The following SORCS3 variants were observed in gnomAD, a reference collection of about 807,000 sequenced individuals.
SORCS3 encodes sortilin related VPS10 domain containing receptor 3.
SORCS3 carries 57 observed loss-of-function variants against 146.3 expected under a neutral mutation model. That is an observed-to-expected ratio of 0.39 (90% CI 0.31 to 0.49). The LOEUF (loss-of-function observed/expected upper bound fraction) is 0.49. Among genes scored for constraint, SORCS3 ranks in the 20% least tolerant of loss-of-function variants. The pLI is 0.92. For synonymous variants in SORCS3, 653 were observed against 618.5 expected (o/e 1.06, Z -0.83); for missense variants, 1,341 against 1,575.5 (o/e 0.85, Z 2.52).
intron 4 of SORCS3, among the ~76,000 whole-genome samples, chr10:104,988,395 G>A (rs1018332946): frequency 6.6e-6 from 1 of 152,296 alleles, no homozygotes; most frequent in Admixed American, 6.5e-5. Context: ...GCTGGTGGCA[G>A]TTTCTGGAGT....
intron 4 of SORCS3, among the ~76,000 whole-genome samples, chr10:104,994,835 T>C (rs968483867): frequency 2.0e-5 from 3 of 152,238 alleles, no homozygotes; most frequent in African/African-American, 4.8e-5. Context: ...ACAATTAGTT[T>C]ATCCATCCAC....
intron 26 of SORCS3, 109 bp downstream of exon 26, chr10:105,262,600 A>G (rs1489871272): frequency 1.9e-6 from 2 of 1,071,724 alleles, no homozygotes; most frequent in Non-Finnish European, 2.6e-6. Context: ...ACAAACAACT[A>G]CCTACAGTGA....
At chr10:104,943,293 C>G (rs1463921237) in intron 3 of SORCS3, among the ~76,000 whole-genome samples, 6 of 152,024 alleles carry the variant, frequency 3.9e-5, no homozygotes, top group Admixed American at 3.3e-4. Flanking sequence ...CCATGCCCAG[C>G]TAATGTTTTG....
At chr10:105,013,982 G>C (rs112425265) in intron 4 of SORCS3, among the ~76,000 whole-genome samples, 2 of 144,714 alleles carry the variant, frequency 1.4e-5, no homozygotes, top group African/African-American at 2.6e-5. Flanking sequence ...CAGACACACA[G>C]ACACACACAC....
intron 3 of SORCS3, 77 bp downstream of exon 3, chr10:104,916,009 A>G: frequency 9.2e-7 from 1 of 1,088,786 alleles, no homozygotes; most frequent in Non-Finnish European, 1.4e-6. Context: ...TTAAGGAAAA[A>G]ACTCAGTTGT....
chr10:105,074,183 G>A (rs528587486), intron 5 of SORCS3, among the ~76,000 whole-genome samples: 19 of 152,094 alleles, frequency 1.2e-4, no homozygotes, highest in Admixed American at 6.5e-5. Flanking sequence ...TTTTTGTCTT[G>A]TCCAGACAAG....
At chr10:104,708,591 A>C (rs1283066288) in intron 1 of SORCS3, among the ~76,000 whole-genome samples, 1 of 152,144 alleles carries the variant, frequency 6.6e-6, no homozygotes, top group African/African-American at 2.4e-5. Context: ...GCAAAAATTC[A>C]TGTTTGGATC....
intron 20 of SORCS3, among the ~76,000 whole-genome samples, chr10:105,242,284 G>GTTTATATATATATTTATACATATA (rs1344541614): frequency 1.4e-4 from 17 of 117,776 alleles, no homozygotes; most frequent in African/African-American, 3.9e-4. Flanking sequence ...TTATACATAT[G>GTTTATATATATATTTATACATATA]TTTATATATA....
chr10:104,831,141 T>A (rs2017996115), intron 1 of SORCS3, among the ~76,000 whole-genome samples: 1 of 152,114 alleles, frequency 6.6e-6, no homozygotes, highest in South Asian at 2.1e-4. Context: ...CCACGACAAA[T>A]TATACCATGA....
At chr10:105,051,412 T>C (rs556766396) in intron 5 of SORCS3, among the ~76,000 whole-genome samples, 34 of 152,266 alleles carry the variant, frequency 2.2e-4, no homozygotes, top group Admixed American at 1.9e-3. Flanking sequence ...ATTTGAGCTC[T>C]ATAGATCTCA....
At chr10:104,890,759 A>G (rs1485298812) in intron 2 of SORCS3, among the ~76,000 whole-genome samples, 7 of 152,200 alleles carry the variant, frequency 4.6e-5, no homozygotes, top group Non-Finnish European at 1.0e-4. Flanking sequence ...CCTGTGCATC[A>G]TAGGATATTT....
intron 8 of SORCS3, among the ~76,000 whole-genome samples, chr10:105,147,321 G>A (rs2056138090): frequency 6.6e-6 from 1 of 152,066 alleles, no homozygotes; most frequent in Non-Finnish European, 1.5e-5. Context: ...GTCTCTGTTG[G>A]CACTAACTCT....
intron 3 of SORCS3, among the ~76,000 whole-genome samples, chr10:104,969,340 T>TGTGTGTGTGTGTGTGC (rs398014705): frequency 8.9e-6 from 1 of 112,332 alleles, no homozygotes; most frequent in African/African-American, 2.9e-5. Context: ...TGTGTGTGTG[T>TGTGTGTGTGTGTGTGC]GCGCGCGCGC....
chr10:104,872,593 A>G (rs2018530251), intron 2 of SORCS3, among the ~76,000 whole-genome samples: 1 of 130,014 alleles, frequency 7.7e-6, no homozygotes, highest in African/African-American at 3.0e-5. Flanking sequence ...CAAACATCCC[A>G]AGAATTCTGA....
At chr10:104,696,099 T>C (rs12784534) in intron 1 of SORCS3, among the ~76,000 whole-genome samples, 9 of 58,636 alleles carry the variant, frequency 1.5e-4, no homozygotes, top group Admixed American at 4.2e-4. Flanking sequence ...ATATAATATA[T>C]CATATACACA....
At chr10:104,858,090 T>G (rs1205904892) in intron 2 of SORCS3, among the ~76,000 whole-genome samples, 1 of 152,168 alleles carries the variant, frequency 6.6e-6, no homozygotes, top group Non-Finnish European at 1.5e-5. Context: ...AGACAATGAG[T>G]TTCCAAAGCT....
chr10:105,137,151 G>T (rs1274892746), intron 7 of SORCS3, among the ~76,000 whole-genome samples: 1 of 152,102 alleles, frequency 6.6e-6, no homozygotes, highest in Non-Finnish European at 1.5e-5. Context: ...GAGGCAGCTG[G>T]ATCTTCCAAG....
chr10:104,670,546 G>A (rs576993768), intron 1 of SORCS3, among the ~76,000 whole-genome samples: 1 of 152,100 alleles, frequency 6.6e-6, no homozygotes, highest in Non-Finnish European at 1.5e-5. Flanking sequence ...TTATGTATCT[G>A]TCTTTTTGCT....
chr10:104,785,018 G>A (rs894127686), intron 1 of SORCS3, among the ~76,000 whole-genome samples: 3 of 152,138 alleles, frequency 2.0e-5, no homozygotes, highest in East Asian at 1.9e-4. Context: ...TCCCAGTAGG[G>A]GCGGCCGGGC....
Sources: allele counts gnomAD v4.1 joint callset (sites outside exome capture counted in the v4.1 genomes callset), GRCh38; gene constraint gnomAD v4.1.1; transcripts MANE v1.5; gene names NCBI Gene and HGNC (gene_info 2026-07-23, HGNC 2026-07-21).